DPH6: variants seen among roughly 807,000 people sequenced by gnomAD.
DPH6 encodes the protein diphthamine biosynthesis 6.
A neutral mutation model predicts 38.2 loss-of-function variants in DPH6; 33 were observed. The observed-to-expected ratio is 0.86, with a 90% confidence interval of 0.65 to 1.15. The LOEUF is 1.15. Ranked by LOEUF, DPH6 falls within the 50% of genes most tolerant of loss-of-function variation. The pLI is 0.00. For missense variants in DPH6, 325 were observed against 320.0 expected, an observed-to-expected ratio of 1.02 and a Z score of -0.12; for synonymous variants, 108 against 103.0, an observed-to-expected ratio of 1.05 and a Z score of -0.30.
intron 6 of DPH6, among the ~76,000 whole-genome samples, chr15:35,399,503 C>A (rs1049921538): frequency 5.3e-5 from 8 of 152,062 alleles, no homozygotes; most frequent in African/African-American, 1.9e-4. Context: ...AGGCAACTTC[C>A]CACAACTCAA....
chr15:35,150,250 G>C, the DPH6 span, among the ~76,000 whole-genome samples: 3 of 152,228 alleles, frequency 2.0e-5, no homozygotes, highest in African/African-American at 7.2e-5. Context: ...GACAGAGAGA[G>C]AGAATGACAG....
chr15:35,336,759 C>T (rs1269474243), intron 3 of DPH6, among the ~76,000 whole-genome samples: 1 of 152,038 alleles, frequency 6.6e-6, no homozygotes, highest in African/African-American at 2.4e-5. Context: ...TATTGATTTG[C>T]GTATATTGAA....
intron 3 of DPH6, among the ~76,000 whole-genome samples, chr15:35,361,332 G>A (rs1004394041): frequency 2.6e-5 from 4 of 152,108 alleles, no homozygotes; most frequent in Admixed American, 1.3e-4. Context: ...ATGAGCTGGG[G>A]AACCTCATTT....
the DPH6 span, among the ~76,000 whole-genome samples, chr15:35,168,390 A>G: frequency 6.6e-6 from 1 of 152,058 alleles, no homozygotes; most frequent in African/African-American, 2.4e-5. Context: ...CTTTCAGTAT[A>G]TTGTGTCCAG....
chr15:35,492,603 A>G (rs2054499578), intron 3 of DPH6, among the ~76,000 whole-genome samples: 1 of 152,194 alleles, frequency 6.6e-6, no homozygotes, highest in South Asian at 2.1e-4. Flanking sequence ...TCAAGTTTGG[A>G]AGCATTATAA....
chr15:35,463,220 T>C (rs542469918), intron 3 of DPH6, among the ~76,000 whole-genome samples: 2 of 152,258 alleles, frequency 1.3e-5, no homozygotes, highest in African/African-American at 4.8e-5. Context: ...CATAATCTCA[T>C]ATGCCACCAA....
intron 5 of DPH6, among the ~76,000 whole-genome samples, chr15:35,446,891 C>T (rs573388908): frequency 2.0e-5 from 3 of 148,838 alleles, no homozygotes; most frequent in South Asian, 2.1e-4. Flanking sequence ...TTTCCTGAGA[C>T]GGAGTCTTGC....
the DPH6 span, among the ~76,000 whole-genome samples, chr15:35,186,815 T>C: frequency 6.6e-6 from 1 of 152,212 alleles, no homozygotes; most frequent in African/African-American, 2.4e-5. Flanking sequence ...GTGGAGAAAC[T>C]GGGGCCCCTT....
At chr15:35,280,690 G>A (rs762436547) in intron 3 of DPH6, among the ~76,000 whole-genome samples, 7 of 152,042 alleles carry the variant, frequency 4.6e-5, no homozygotes, top group Non-Finnish European at 7.4e-5. Context: ...TTCTAGAAGC[G>A]TTACTAAAAC....
At chr15:35,453,067 C>T (rs2053956302) in intron 4 of DPH6, among the ~76,000 whole-genome samples, 1 of 152,158 alleles carries the variant, frequency 6.6e-6, no homozygotes, top group South Asian at 2.1e-4. Context: ...AGTAATAATA[C>T]AACACAAACT....
At chr15:35,367,987 GAACT>G (rs1447091958), downstream of DPH6, among the ~76,000 whole-genome samples, 1 of 151,742 alleles carries the variant, frequency 6.6e-6, no homozygotes, top group Non-Finnish European at 1.5e-5. Flanking sequence ...GTTCTTATTA[GAACT>G]AATAGCTGTT....
At chr15:35,215,004 A>T (rs574632309), downstream of DPH6, among the ~76,000 whole-genome samples, 2 of 152,318 alleles carry the variant, frequency 1.3e-5, no homozygotes, top group African/African-American at 4.8e-5. Context: ...TGAAAGTCAG[A>T]TTAGGCCAGC....
chr15:35,408,846 A>G (rs913703414), intron 6 of DPH6, among the ~76,000 whole-genome samples: 2 of 152,032 alleles, frequency 1.3e-5, no homozygotes, highest in Admixed American at 1.3e-4. Context: ...GGCATCTCAG[A>G]CATGAAGTAG....
At chr15:35,498,996 C>T (rs1305214355) in intron 3 of DPH6, among the ~76,000 whole-genome samples, 4 of 150,516 alleles carry the variant, frequency 2.7e-5, no homozygotes, top group African/African-American at 7.4e-5. Context: ...AATATATAGG[C>T]CTTAGAATGT....
chr15:35,270,078 C>T (rs1311049852), intron 3 of DPH6, among the ~76,000 whole-genome samples: 3 of 151,826 alleles, frequency 2.0e-5, no homozygotes, highest in Non-Finnish European at 2.9e-5. Flanking sequence ...GGATTACAGG[C>T]GTGAGCCACC....
At chr15:35,384,146 G>A (rs573463743) in intron 6 of DPH6, among the ~76,000 whole-genome samples, 1 of 152,212 alleles carries the variant, frequency 6.6e-6, no homozygotes, top group South Asian at 2.1e-4. Flanking sequence ...TCAAAATTGG[G>A]ATTATTGTAT....
chr15:35,353,435 C>T (rs1370652980), intron 3 of DPH6, among the ~76,000 whole-genome samples: 4 of 152,108 alleles, frequency 2.6e-5, no homozygotes, highest in Non-Finnish European at 5.9e-5. Flanking sequence ...AGTCTTTAAT[C>T]CATCTTGAAT....
intron 3 of DPH6, among the ~76,000 whole-genome samples, chr15:35,262,787 T>C (rs995837224): frequency 6.6e-6 from 1 of 151,884 alleles, no homozygotes; most frequent in African/African-American, 2.4e-5. Context: ...GTTCCCAATT[T>C]TATGAACATC....
intron 3 of DPH6, among the ~76,000 whole-genome samples, chr15:35,287,102 C>A (rs935057663): frequency 1.3e-5 from 2 of 152,074 alleles, no homozygotes; most frequent in African/African-American, 4.8e-5. Context: ...AGCATATCCA[C>A]AATGCTGAAA....
Sources: allele counts gnomAD v4.1 joint callset (sites outside exome capture counted in the v4.1 genomes callset), GRCh38; gene constraint gnomAD v4.1.1; transcripts MANE v1.5; gene names NCBI Gene and HGNC (gene_info 2026-07-23, HGNC 2026-07-21).